The following BEND3 variants were observed in gnomAD, a reference collection of about 807,000 sequenced individuals.
BEND3 encodes BEN domain containing 3.
BEND3 carries 13 observed loss-of-function variants against 60.1 expected under a neutral mutation model. The ratio of observed to expected loss-of-function variants is 0.22; its 90% CI spans 0.14 to 0.34. The LOEUF (loss-of-function observed/expected upper bound fraction) is 0.34. Ranked by LOEUF, BEND3 falls within the 10% of genes least tolerant of loss-of-function variation. The pLI, the probability that BEND3 is intolerant of heterozygous loss-of-function variation, is 1.00. For missense variants in BEND3, 896 were observed against 1,138.1 expected (o/e 0.79, Z 3.06); for synonymous variants, 497 against 491.5 (o/e 1.01, Z -0.15).
In BEND3 at chr6:107,099,237, T is replaced by C; in HGVS notation, c.37+12A>G. 1 of 1,267,716 alleles carries C rather than the reference T, an allele frequency of 7.9e-7. No homozygotes were observed. Among genetic ancestry groups the C allele is most frequent in the Non-Finnish European group, 1.1e-6 (1 of 935,068 alleles). 78.5% of individuals were successfully genotyped at this position (1,267,716 alleles called of 1,614,324 possible). A position where few individuals can be genotyped will look rare whatever the true frequency, so the allele number is the denominator to read the frequency against. On this transcript the variant is annotated intron_variant, in intron 2 of 3. Coordinates refer to ENST00000369042, the MANE Select transcript of BEND3 (RefSeq NM_001367314.1). ...TTAAAAACATTTTTCAAAAAGGGCA[T>C]TTTTTTTTTACCTTCTTCTACATCT...
In BEND3 at chr6:107,069,596, A is replaced by C. The variant is rs1554231522; in HGVS notation, c.1595T>G (p.Val532Gly). ...CTCTAACTTGTCGAAGTCGATGGGC[A>C]CCAGCCAGATCTTCTTGGAGCGGCG... The part of the protein sequence containing the change: ...PGRRSKKIWL[V>G]PIDFDKLEIP... The change falls in exon 4 of 4, where the codon GTG (valine) becomes GGG (glycine). Residue 532 changes from valine (V) to glycine (G), a missense_variant. Around this residue, in one of 4 missense-constraint regions of BEND3, gnomAD observed 846 missense variants for 1,036.7 expected, o/e 0.82. Transcript: ENST00000369042. The C allele has an allele frequency of 6.2e-7, 1 of 1,612,528 alleles. No homozygotes were observed. Among genetic ancestry groups the C allele is most frequent in the Non-Finnish European group, 8.5e-7 (1 of 1,179,996 alleles).
intron 1 of BEND3, among the ~76,000 whole-genome samples, chr6:107,107,411 T>G (rs1014765528): frequency 6.8e-6 from 1 of 146,898 alleles, no homozygotes; most frequent in Admixed American, 7.2e-5. Flanking sequence ...CAAAGTTACC[T>G]ATTATAAAGC....
intron 3 of BEND3, among the ~76,000 whole-genome samples, chr6:107,084,844 C>T (rs1382676111): frequency 2.0e-5 from 3 of 152,202 alleles, no homozygotes; most frequent in Non-Finnish European, 2.9e-5. Flanking sequence ...GACCAATCAG[C>T]GCTCTGTAAA....
chr6:107,104,117 T>C (rs1207266475), intron 1 of BEND3, among the ~76,000 whole-genome samples: 6 of 150,172 alleles, frequency 4.0e-5, no homozygotes, highest in Admixed American at 2.0e-4. Context: ...ACCCCATCTC[T>C]ACTAAAAAAA....
At chr6:107,114,285 GC>G (rs1770206353) in intron 1 of BEND3, 1 of 152,170 alleles carries the variant, frequency 6.6e-6, no homozygotes, top group African/African-American at 2.4e-5. Flanking sequence ...CCAGGCTTCA[GC>G]TTTGCGGCCG....
At chr6:107,071,926 A>G (rs560523368) in intron 3 of BEND3, among the ~76,000 whole-genome samples, 1 of 152,356 alleles carries the variant, frequency 6.6e-6, no homozygotes, top group Non-Finnish European at 1.5e-5. Flanking sequence ...ACAGATGTTT[A>G]TCATCATGAC....
chr6:107,068,464 A>T lies in BEND3; in HGVS notation c.*240T>A, dbSNP rs1371782757. 2.0e-6 allele frequency: 1 copy of T among 503,596 alleles called. No individual in the cohort carries two copies. Among genetic ancestry groups the T allele is most frequent in the Non-Finnish European group, 3.5e-6 (1 of 286,034 alleles). The allele number at this position is 503,596 out of a possible 1,614,324, so 31.2% of individuals were successfully genotyped here. On this transcript the variant is annotated 3_prime_UTR_variant, in exon 4 of 4. Transcript: ENST00000369042. The surrounding 1 kb of genome is among the most constrained non-coding windows in gnomAD (Gnocchi z 5.8). The stretch of plus-strand genomic sequence containing the variant: ...TGCCCTCACAGCTTGCTCTCCCCAC[A>T]CTCAGGCTGCCCCGCCGGGGCACAT...
chr6:107,076,261 ATC>A (rs1271391624), intron 3 of BEND3, among the ~76,000 whole-genome samples: 2 of 152,140 alleles, frequency 1.3e-5, no homozygotes, highest in African/African-American at 4.8e-5. Flanking sequence ...AAATCTTTAA[ATC>A]TGTGCTACTT....
intron 1 of BEND3, among the ~76,000 whole-genome samples, chr6:107,099,602 G>T (rs1775663328): frequency 6.6e-6 from 1 of 152,124 alleles, no homozygotes; most frequent in Non-Finnish European, 1.5e-5. Flanking sequence ...TCTTAAAAAA[G>T]ACCCCAATTT....
At chr6:107,104,483 T>A (rs1253263885) in intron 1 of BEND3, among the ~76,000 whole-genome samples, 2 of 152,082 alleles carry the variant, frequency 1.3e-5, no homozygotes, top group African/African-American at 2.4e-5. Flanking sequence ...AGACTCCCAG[T>A]GACACCCAAA....
intron 1 of BEND3, among the ~76,000 whole-genome samples, chr6:107,105,506 C>A (rs1304381215): frequency 6.6e-6 from 1 of 152,066 alleles, no homozygotes; most frequent in African/African-American, 2.4e-5. Context: ...TCTAGTGAAC[C>A]CATAGGCGGC....
chr6:107,065,811 AAAAGG>A lies in BEND3; in HGVS notation c.*2888_*2892del, dbSNP rs1774815146. 1 of 151,144 alleles carries A rather than the reference AAAAGG, an allele frequency of 6.6e-6. No homozygotes were observed. The highest frequency in any genetic ancestry group is 1.5e-5 in the Non-Finnish European group (1 of 67,394). 9.4% of individuals were successfully genotyped at this position (151,144 alleles called of 1,614,324 possible). On this transcript the variant is annotated 3_prime_UTR_variant, in exon 4 of 4. Coordinates refer to ENST00000369042, the MANE Select transcript of BEND3 (RefSeq NM_001367314.1). The stretch of plus-strand genomic sequence containing the variant: ...GTGGTTCCCCACTCCCCACAAACAT[AAAAGG>A]AAAGGAAGGTTTGGAGCCAACACCG...
chr6:107,080,354 C>CAAAAAAAAAAAA (rs11402351), intron 3 of BEND3, among the ~76,000 whole-genome samples: 3 of 83,252 alleles, frequency 3.6e-5, no homozygotes, highest in Non-Finnish European at 4.8e-5. Context: ...GATCCCATCT[C>CAAAAAAAAAAAA]AAAAAAAAAA....
intron 2 of BEND3, 149 bp downstream of exon 2, chr6:107,099,100 T>TGGA: frequency 3.0e-6 from 2 of 665,108 alleles, no homozygotes; most frequent in Non-Finnish European, 5.3e-6. Context: ...AGTGTGTGGG[T>TGGA]GGAGGGGGAT....
intron 1 of BEND3, among the ~76,000 whole-genome samples, chr6:107,103,051 C>T (rs1775733751): frequency 6.6e-6 from 1 of 152,106 alleles, no homozygotes. Context: ...AATTTGAGTC[C>T]CTCTGTCCAA....
intron 3 of BEND3, among the ~76,000 whole-genome samples, chr6:107,093,852 A>C (rs1310220317): frequency 6.6e-6 from 1 of 152,244 alleles, no homozygotes; most frequent in Non-Finnish European, 1.5e-5. Flanking sequence ...TTTAGATATG[A>C]TACCAAAGCC....
chr6:107,109,124 T>C (rs536927686), intron 1 of BEND3, among the ~76,000 whole-genome samples: 14 of 151,714 alleles, frequency 9.2e-5, no homozygotes, highest in African/African-American at 3.4e-4. Flanking sequence ...TGACTTTAAA[T>C]ACACGTTTCA....
chr6:107,108,684 T>C (rs972326062), intron 1 of BEND3, among the ~76,000 whole-genome samples: 2 of 152,078 alleles, frequency 1.3e-5, no homozygotes, highest in Non-Finnish European at 2.9e-5. Flanking sequence ...GGCCAGTAAA[T>C]GACTTATTCA....
chr6:107,096,416 A>T (rs1775586135), intron 3 of BEND3, among the ~76,000 whole-genome samples: 1 of 152,198 alleles, frequency 6.6e-6, no homozygotes, highest in African/African-American at 2.4e-5. Flanking sequence ...GTTTGAGACC[A>T]GCCTGGCCAA....
Sources: allele counts gnomAD v4.1 joint callset (sites outside exome capture counted in the v4.1 genomes callset), GRCh38; gene constraint gnomAD v4.1.1; regional missense constraint gnomAD v4.1.1; non-coding constraint Gnocchi (gnomAD v3.1); transcripts MANE v1.5; gene names NCBI Gene and HGNC (gene_info 2026-07-23, HGNC 2026-07-21).